Variants in IKZF2 observed in about 807,000 individuals in gnomAD.
IKZF2 encodes the protein IKAROS family zinc finger 2.
Under a neutral mutation model 49.2 loss-of-function variants are expected in IKZF2, and 15 were observed. The ratio of observed to expected loss-of-function variants is 0.30; its 90% CI spans 0.20 to 0.47. The LOEUF is 0.47. Ranked by LOEUF, IKZF2 falls within the 20% of genes least tolerant of loss-of-function variation. The probability of loss-of-function intolerance (pLI) is 1.00; values close to 1 mark genes in which losing one functional copy is unlikely to be tolerated. For synonymous variants in IKZF2, 227 were observed against 221.4 expected, an observed-to-expected ratio of 1.03 and a Z score of -0.23; for missense variants, 567 against 664.6, an observed-to-expected ratio of 0.85 and a Z score of 1.61.
chr2:213,033,247 T>C (rs1374106789), intron 6 of IKZF2, among the ~76,000 whole-genome samples: 1 of 152,224 alleles, frequency 6.6e-6, no homozygotes, highest in East Asian at 1.9e-4. Context: ...CATCTGCAGT[T>C]CCTTTATCCA....
At chr2:213,131,127 T>G (rs922080995) in intron 4 of IKZF2, among the ~76,000 whole-genome samples, 1 of 152,158 alleles carries the variant, frequency 6.6e-6, no homozygotes, top group African/African-American at 2.4e-5. Context: ...AAATATCTTT[T>G]GTAAAGATTG....
chr2:213,074,592 A>C (rs1238984088), intron 4 of IKZF2, among the ~76,000 whole-genome samples: 1 of 152,204 alleles, frequency 6.6e-6, no homozygotes, highest in East Asian at 1.9e-4. Flanking sequence ...GAATAACAAA[A>C]GCCTAACAAA....
intron 4 of IKZF2, among the ~76,000 whole-genome samples, chr2:213,122,514 C>T (rs2060092433): frequency 6.6e-6 from 1 of 152,182 alleles, no homozygotes; most frequent in African/African-American, 2.4e-5. Context: ...GAGAAAAAGA[C>T]CCTATGACAT....
chr2:213,065,266 A>T (rs1019710922), intron 4 of IKZF2, among the ~76,000 whole-genome samples: 1 of 152,026 alleles, frequency 6.6e-6, no homozygotes, highest in Non-Finnish European at 1.5e-5. Flanking sequence ...TTCTTCTCCT[A>T]TGAAATTTAC....
At chr2:213,046,647 G>A (rs1269086838) in intron 6 of IKZF2, among the ~76,000 whole-genome samples, 1 of 152,196 alleles carries the variant, frequency 6.6e-6, no homozygotes, top group Non-Finnish European at 1.5e-5. Flanking sequence ...TATGGTCAAG[G>A]ACTTCAAAGA....
chr2:213,030,271 T>C (rs990786219), intron 6 of IKZF2, among the ~76,000 whole-genome samples: 15 of 152,174 alleles, frequency 9.9e-5, no homozygotes, highest in African/African-American at 3.6e-4. Context: ...CTACTTTTTT[T>C]TTCTAAATCT....
At chr2:213,076,352 T>G (rs1397107485) in intron 4 of IKZF2, among the ~76,000 whole-genome samples, 3 of 152,032 alleles carry the variant, frequency 2.0e-5, no homozygotes, top group African/African-American at 7.2e-5. Context: ...TTCCTAAACA[T>G]GTAATATAAA....
chr2:213,107,421 A>G (rs2059569406), intron 4 of IKZF2, among the ~76,000 whole-genome samples: 1 of 152,234 alleles, frequency 6.6e-6, no homozygotes, highest in Non-Finnish European at 1.5e-5. Flanking sequence ...GCTCATTTTA[A>G]GTACGTGTAC....
chr2:213,037,546 T>A (rs1452819497), intron 6 of IKZF2, among the ~76,000 whole-genome samples: 1 of 152,172 alleles, frequency 6.6e-6, no homozygotes, highest in Non-Finnish European at 1.5e-5. Context: ...TGACTGAAAG[T>A]GGCTTTTACC....
chr2:213,140,198 C>T (rs949844772), intron 4 of IKZF2, among the ~76,000 whole-genome samples: 4 of 151,832 alleles, frequency 2.6e-5, no homozygotes, highest in Non-Finnish European at 5.9e-5. Context: ...TCTATGGTGT[C>T]TTGGGTAGTC....
upstream of IKZF2, among the ~76,000 whole-genome samples, chr2:213,151,790 G>A (rs1326494377): frequency 6.8e-6 from 1 of 147,220 alleles, no homozygotes; most frequent in Admixed American, 6.8e-5. Context: ...GCGAGCGGAC[G>A]TGCGTGCGCG....
intron 4 of IKZF2, among the ~76,000 whole-genome samples, chr2:213,124,252 G>GCACACA (rs66958263): frequency 7.3e-5 from 10 of 136,320 alleles, no homozygotes; most frequent in African/African-American, 2.7e-4. Flanking sequence ...GCGCGCGCGC[G>GCACACA]CACACACACA....
chr2:213,025,622 T>C (rs576882496), intron 6 of IKZF2, among the ~76,000 whole-genome samples: 2 of 152,130 alleles, frequency 1.3e-5, no homozygotes, highest in Admixed American at 1.3e-4. Flanking sequence ...GGAGACAATA[T>C]ATATTTGCTG....
intron 2 of IKZF2, among the ~76,000 whole-genome samples, chr2:213,149,775 T>A (rs2061212218): frequency 7.8e-6 from 1 of 127,788 alleles, no homozygotes; most frequent in Middle Eastern, 3.6e-3. Flanking sequence ...CCACACTCCC[T>A]TACCCCCCCC....
chr2:213,046,639 T>C (rs1339916432), intron 6 of IKZF2, among the ~76,000 whole-genome samples: 4 of 152,200 alleles, frequency 2.6e-5, no homozygotes, highest in Non-Finnish European at 5.9e-5. Flanking sequence ...CATGGCCATA[T>C]GGTCAAGGAC....
chr2:213,115,904 G>T (rs1473929804), intron 4 of IKZF2, among the ~76,000 whole-genome samples: 2 of 151,194 alleles, frequency 1.3e-5, no homozygotes, highest in African/African-American at 4.9e-5. Context: ...CAATGTATGG[G>T]TGTATGACAG....
intron 4 of IKZF2, among the ~76,000 whole-genome samples, chr2:213,113,077 G>T (rs1357398269): frequency 6.6e-6 from 1 of 152,082 alleles, no homozygotes; most frequent in Non-Finnish European, 1.5e-5. Flanking sequence ...TTATGAGCAT[G>T]CCAATATAAT....
rs760784653 is a variant in IKZF2, at chr2:213,001,170, A to G, written c.*6190T>C. The stretch of plus-strand genomic sequence containing the variant: ...TTTTTAACTAATAGCAGAAGCAATC[A>G]TTCTGGGATTGCAAATAACACATGG... On this transcript the variant is annotated 3_prime_UTR_variant, in exon 9 of 9. Coordinates refer to ENST00000434687, the MANE Select transcript of IKZF2 (RefSeq NM_001387220.1). 7.2e-5 allele frequency: 11 copies of G among 152,028 alleles called. No homozygotes were observed. Among genetic ancestry groups the G allele is most frequent in the Non-Finnish European group, 1.5e-4 (10 of 67,616 alleles). 9.4% of individuals were successfully genotyped at this position (152,028 alleles called of 1,614,324 possible).
intron 4 of IKZF2, among the ~76,000 whole-genome samples, chr2:213,106,121 T>A (rs1038035770): frequency 1.3e-5 from 2 of 152,186 alleles, no homozygotes; most frequent in Admixed American, 1.3e-4. Flanking sequence ...TTGTCAGACT[T>A]CATGATTAGC....
Sources: gnomAD v4.1 joint callset for allele counts (sites outside exome capture counted in the v4.1 genomes callset) on GRCh38, gnomAD v4.1.1 for gene constraint, MANE v1.5 for transcripts, NCBI Gene and HGNC (gene_info 2026-07-23, HGNC 2026-07-21) for gene names.